DDX18: variants seen among roughly 807,000 people sequenced by gnomAD.
DDX18 encodes DEAD-box helicase 18.
Under a neutral mutation model 73.5 loss-of-function variants are expected in DDX18, and 23 were observed. The ratio of observed to expected loss-of-function variants is 0.31; its 90% CI spans 0.23 to 0.44. The LOEUF (loss-of-function observed/expected upper bound fraction) is 0.44. Ranked by LOEUF, DDX18 falls within the 20% of genes least tolerant of loss-of-function variation. The pLI is 1.00. For synonymous variants in DDX18, 268 were observed against 282.7 expected, an observed-to-expected ratio of 0.95 and a Z score of 0.52; for missense variants, 753 against 792.9, an observed-to-expected ratio of 0.95 and a Z score of 0.60.
At position 117,831,594 on chromosome 2, in the gene DDX18, G is replaced by A. The variant is rs552354622; in HGVS notation, c.*870G>A. The A allele has an allele frequency of 1.6e-4, 25 of 152,156 alleles. No individual in the cohort carries two copies. Among genetic ancestry groups the A allele is most frequent in the Non-Finnish European group, 2.9e-4 (20 of 68,034 alleles). 9.4% of individuals were successfully genotyped at this position (152,156 alleles called of 1,614,324 possible). On this transcript the variant is annotated 3_prime_UTR_variant, in exon 14 of 14. Coordinates refer to ENST00000263239, the MANE Select transcript of DDX18 (RefSeq NM_006773.4). Reference sequence around the variant, plus strand: ...ATTTGGTAAGCCTTTGCACTCTGTAGAGTACTTAGAAGACAAGGGCAACTT... The same window carrying A: ...ATTTGGTAAGCCTTTGCACTCTGTAAAGTACTTAGAAGACAAGGGCAACTT...
chr2:117,824,768 T>C, intron 8 of DDX18, 60 bp downstream of exon 8: 1 of 1,478,836 alleles, frequency 6.8e-7, no homozygotes, highest in South Asian at 1.5e-5. Context: ...TATGTAATTG[T>C]TGGAAGGATC....
rs1299081515 is a variant in DDX18, at chr2:117,830,711, A to G, written c.2000A>G (p.Gln667Arg). 6.2e-7 allele frequency: 1 copy of G among 1,613,602 alleles called. No individual in the cohort carries two copies. Among genetic ancestry groups the G allele is most frequent in the Non-Finnish European group, 8.5e-7 (1 of 1,179,724 alleles). The change falls in exon 14 of 14, where the codon CAG (glutamine) becomes CGG (arginine). Residue 667 changes from glutamine to arginine, a missense_variant. Gln to Arg is a conservative substitution (Grantham distance 43). Coordinates refer to ENST00000263239, the MANE Select transcript of DDX18 (RefSeq NM_006773.4). ...AGCAAGAAATCATCTGACAGCAGGCAGTTCTCTCACTGAACACATGCCTTC... is the reference window on the plus strand; with the variant it reads ...AGCAAGAAATCATCTGACAGCAGGCGGTTCTCTCACTGAACACATGCCTTC... Reference protein sequence around the residue: ...HISKKSSDSRQFSH With the variant: ...HISKKSSDSRRFSH
chr2:117,822,384 A>C, intron 7 of DDX18, 123 bp downstream of exon 7: 2 of 676,756 alleles, frequency 3.0e-6, no homozygotes, highest in Non-Finnish European at 5.1e-6. Flanking sequence ...TAGTTGTGCC[A>C]ATTAACCCGA....
At chr2:117,815,786 G>C (rs1290416954) in intron 1 of DDX18, 1 of 152,206 alleles carries the variant, frequency 6.6e-6, no homozygotes, top group Non-Finnish European at 1.5e-5. Context: ...GGGAACCTTT[G>C]GTAAGGACAT....
chr2:117,814,925 G>A, intron 1 of DDX18, 63 bp downstream of exon 1: 1 of 1,549,464 alleles, frequency 6.5e-7, no homozygotes, highest in Non-Finnish European at 8.9e-7. Context: ...GCGTTCGGGC[G>A]GCCGGGGGCC....
intron 4 of DDX18, 61 bp from the exon 5 acceptor site, chr2:117,821,585 GTGTA>G: frequency 6.5e-7 from 1 of 1,545,624 alleles, no homozygotes; most frequent in Non-Finnish European, 8.9e-7. Flanking sequence ...CCTAAGGTGT[GTGTA>G]TGTAGTACGT....
rs1679859292 is a variant in DDX18 at position 117,822,342 on chromosome 2, T to G, written c.1066+81T>G. ...AGTTGTTCCTATAGAAAAACTGTAC[T>G]AATGCCAGAACTTTACCATAGCCAA... On this transcript the variant is annotated intron_variant, in intron 7 of 13. Coordinates refer to ENST00000263239, the MANE Select transcript of DDX18 (RefSeq NM_006773.4). The G allele has an allele frequency of 4.5e-6, 5 of 1,112,784 alleles. No homozygotes were observed. The Admixed American group carries it at 7.5e-5, about 17-fold the overall frequency. The allele number at this position is 1,112,784 out of a possible 1,614,324, so 68.9% of individuals were successfully genotyped here. A position where few individuals can be genotyped will look rare whatever the true frequency, so the allele number is the denominator to read the frequency against.
intron 7 of DDX18, among the ~76,000 whole-genome samples, chr2:117,823,335 A>C (rs1046425808): frequency 2.0e-5 from 3 of 152,080 alleles, no homozygotes; most frequent in African/African-American, 4.8e-5. Flanking sequence ...TATTTTCTCT[A>C]TCATATTTAG....
rs563266461 is a variant in DDX18 at position 117,826,223 on chromosome 2, A to G, written c.1522-46A>G. On this transcript the variant is annotated intron_variant, in intron 10 of 13. Transcript: ENST00000263239. Reference sequence around the variant, plus strand: ...AGGATGCAGATACGCAAATGGGCTCATGTGGAAGTCACTGCGTTAACTCAG... The same window carrying G: ...AGGATGCAGATACGCAAATGGGCTCGTGTGGAAGTCACTGCGTTAACTCAG... 1.4e-5 allele frequency: 22 copies of G among 1,548,044 alleles called. No individual in the cohort carries two copies. In the South Asian group the frequency reaches 2.2e-4, roughly 15 times the overall value.
chr2:117,830,653 A>G lies in DDX18; in HGVS notation c.1942A>G (p.Lys648Glu). The G allele has an allele frequency of 6.2e-7, 1 of 1,613,940 alleles. No homozygotes were observed. ...TGGATTTGGCTACCAGAAAACCAAGAAAGTTGAGAAATCCAAAATCTTTAA... is the reference window on the plus strand; with the variant it reads ...TGGATTTGGCTACCAGAAAACCAAGGAAGTTGAGAAATCCAAAATCTTTAA... ...GGGFGYQKTK[K>E]VEKSKIFKHI... is the part of the protein sequence containing the mutation. Residue 648 changes from lysine (K) to glutamate (E), a missense_variant, in exon 14 of 14, where the codon AAA becomes GAA. Lys to Glu is a moderately conservative substitution (Grantham distance 56). Coordinates refer to ENST00000263239, the MANE Select transcript of DDX18 (RefSeq NM_006773.4).
At position 117,817,424 on chromosome 2, in the gene DDX18, T is replaced by C. The variant is rs1679777347; in HGVS notation, c.86-20T>C. On this transcript the variant is annotated intron_variant, in intron 1 of 13. Transcript: ENST00000263239. ...ACTTCTCCTTCTTTGTCACAGTATATGTTCTGTTTATTTAAACAGGGGCCT... is the reference window on the plus strand; with the variant it reads ...ACTTCTCCTTCTTTGTCACAGTATACGTTCTGTTTATTTAAACAGGGGCCT... 2.5e-6 allele frequency: 4 copies of C among 1,580,334 alleles called. No individual in the cohort carries two copies. The highest frequency in any genetic ancestry group is 2.2e-5 in the East Asian group (1 of 44,700).
At chr2:117,829,583 G>C in intron 13 of DDX18, 117 bp downstream of exon 13, 1 of 967,952 alleles carries the variant, frequency 1.0e-6, no homozygotes, top group Non-Finnish European at 1.6e-6. Flanking sequence ...AGGCTCCAGT[G>C]TTCACCCTGG....
In DDX18 at chr2:117,826,326, T is replaced by G. The variant is rs1250756064; in HGVS notation, c.1579T>G (p.Leu527Val). The change falls in exon 11 of 14, where the codon TTG (leucine) becomes GTG (valine). Residue 527 changes from leucine to valine, a missense_variant. Coordinates refer to ENST00000263239, the MANE Select transcript of DDX18 (RefSeq NM_006773.4). The stretch of plus-strand genomic sequence containing the variant: ...AGGCCTAAATGGGAGAGGGCATGCC[T>G]TGCTCATTTTGCGCCCAGAAGAATT... ...ARGLNGRGHALLILRPEELGF... is the reference protein window; with the variant it reads ...ARGLNGRGHAVLILRPEELGF... 1.9e-6 allele frequency: 3 copies of G among 1,614,078 alleles called. No homozygotes were observed. In the South Asian group the frequency reaches 3.3e-5, roughly 18 times the overall value.
intron 1 of DDX18, chr2:117,815,217 G>A: frequency 4.1e-6 from 1 of 245,858 alleles, no homozygotes; most frequent in Non-Finnish European, 8.1e-6. Flanking sequence ...CCTCATTTCC[G>A]GTTATGCTGC....
At chr2:117,826,428 G>T (rs1363716718) in intron 11 of DDX18, 46 bp downstream of exon 11, 1 of 1,554,178 alleles carries the variant, frequency 6.4e-7, no homozygotes, top group East Asian at 2.3e-5. Context: ...TGTAGGGATT[G>T]TTAGCAAGCA....
In DDX18 at chr2:117,820,017, C is replaced by G. The variant is rs565806692; in HGVS notation, c.514+225C>G. The stretch of plus-strand genomic sequence containing the variant: ...TTTTTCCTTTTGTTCATTCCTGACA[C>G]CAAATATTTTATATGCACACTAGCA... On this transcript the variant is annotated intron_variant, in intron 3 of 13. Transcript: ENST00000263239. Among the ~76,000 whole-genome samples, 44 of 152,254 alleles carry G rather than the reference C, an allele frequency of 2.9e-4. 1 individual carries two copies. In the South Asian group the frequency reaches 8.7e-3, roughly 30 times the overall value.
At chr2:117,816,867 A>T (rs1327522717) in intron 1 of DDX18, among the ~76,000 whole-genome samples, 1 of 152,218 alleles carries the variant, frequency 6.6e-6, no homozygotes, top group Non-Finnish European at 1.5e-5. Flanking sequence ...TTATAATCTT[A>T]TGGAGCCACT....
chr2:117,824,787 A>C (rs555854818), intron 8 of DDX18, 79 bp downstream of exon 8: 2 of 1,477,908 alleles, frequency 1.4e-6, no homozygotes, highest in East Asian at 4.7e-5. Flanking sequence ...TCATTCAGAA[A>C]GCAAATGGGT....
In DDX18 at chr2:117,831,655, A is replaced by G. The variant is rs1573415492; in HGVS notation, c.*931A>G. 1.3e-5 allele frequency: 2 copies of G among 152,352 alleles called. No individual in the cohort carries two copies. The highest frequency in any genetic ancestry group is 2.9e-5 in the Non-Finnish European group (2 of 68,032). The allele number at this position is 152,352 out of a possible 1,614,324, so 9.4% of individuals were successfully genotyped here. A position where few individuals can be genotyped will look rare whatever the true frequency, so the allele number is the denominator to read the frequency against. The stretch of plus-strand genomic sequence containing the variant: ...AGAGCCAAGCTGTCAGACGGTGCCC[A>G]GCACACATTAATGTTAGCTTCTTTC... On this transcript the variant is annotated 3_prime_UTR_variant, in exon 14 of 14. Coordinates refer to ENST00000263239, the MANE Select transcript of DDX18 (RefSeq NM_006773.4).
Sources: allele counts gnomAD v4.1 joint callset (sites outside exome capture counted in the v4.1 genomes callset), GRCh38; gene constraint gnomAD v4.1.1; transcripts MANE v1.5; gene names NCBI Gene and HGNC (gene_info 2026-07-23, HGNC 2026-07-21).